Variants in PAK1 observed in about 807,000 individuals in gnomAD.
PAK1 encodes p21 (RAC1) activated kinase 1.
PAK1 carries 29 observed loss-of-function variants against 67.4 expected under a neutral mutation model. That is an observed-to-expected ratio of 0.43 (90% CI 0.32 to 0.59). The LOEUF (loss-of-function observed/expected upper bound fraction) is 0.59. Among genes scored for constraint, PAK1 ranks in the 20% least tolerant of loss-of-function variants. The pLI is 0.07. For missense variants in PAK1, 337 were observed against 670.7 expected, an observed-to-expected ratio of 0.50 and a Z score of 5.50; for synonymous variants, 223 against 237.4, an observed-to-expected ratio of 0.94 and a Z score of 0.56.
chr11:77,340,792 A>C, intron 10 of PAK1, 29 bp from the exon 11 acceptor site: 1 of 1,178,692 alleles, frequency 8.5e-7, no homozygotes. Flanking sequence ...AGGGTGAGAG[A>C]GAACAATCAG....
intron 10 of PAK1, among the ~76,000 whole-genome samples, chr11:77,342,725 T>G (rs1241445572): frequency 1.3e-5 from 2 of 152,126 alleles, no homozygotes; most frequent in African/African-American, 4.8e-5. Flanking sequence ...AGCTTACTAG[T>G]GTTTTAGATG....
intron 1 of PAK1, among the ~76,000 whole-genome samples, chr11:77,464,140 C>T (rs1957487008): frequency 6.6e-6 from 1 of 152,190 alleles, no homozygotes; most frequent in Admixed American, 6.5e-5. Context: ...GTGAATCAGT[C>T]AGTGTGCTCA....
intron 5 of PAK1, among the ~76,000 whole-genome samples, chr11:77,374,010 A>C (rs1948773961): frequency 6.6e-6 from 1 of 152,220 alleles, no homozygotes; most frequent in Non-Finnish European, 1.5e-5. Context: ...CAAAGCTACA[A>C]ATTAAAACTG....
At chr11:77,386,082 C>A (rs1331020845) in intron 2 of PAK1, among the ~76,000 whole-genome samples, 1 of 152,106 alleles carries the variant, frequency 6.6e-6, no homozygotes, top group African/African-American at 2.4e-5. Context: ...AGCTTCCAAC[C>A]TCACCCATCC....
At chr11:77,377,502 A>G (rs1481047304) in intron 4 of PAK1, among the ~76,000 whole-genome samples, 1 of 152,228 alleles carries the variant, frequency 6.6e-6, no homozygotes. Context: ...ATCTGTACAT[A>G]TACACTCAAT....
At chr11:77,437,266 C>T (rs1341805888) in intron 1 of PAK1, among the ~76,000 whole-genome samples, 1 of 152,126 alleles carries the variant, frequency 6.6e-6, no homozygotes, top group African/African-American at 2.4e-5. Context: ...AGGTCAGGTA[C>T]TTAGCACAGT....
intron 4 of PAK1, among the ~76,000 whole-genome samples, chr11:77,378,511 CAAT>C (rs993239094): frequency 6.6e-6 from 1 of 152,128 alleles, no homozygotes; most frequent in African/African-American, 2.4e-5. Context: ...ATAATGATGA[CAAT>C]GATAGCTACA....
At chr11:77,331,900 C>A (rs1269959156) in intron 14 of PAK1, among the ~76,000 whole-genome samples, 2 of 151,846 alleles carry the variant, frequency 1.3e-5, no homozygotes, top group African/African-American at 4.8e-5. Context: ...GAGCTAATCC[C>A]AGCAAAATAT....
chr11:77,506,447 G>A, the PAK1 span, among the ~76,000 whole-genome samples: 1 of 152,158 alleles, frequency 6.6e-6, no homozygotes, highest in African/African-American at 2.4e-5. Flanking sequence ...GACAATTGAG[G>A]ACATAAGGAC....
At chr11:77,389,394 T>C (rs1950851135) in intron 2 of PAK1, among the ~76,000 whole-genome samples, 1 of 152,242 alleles carries the variant, frequency 6.6e-6, no homozygotes, top group African/African-American at 2.4e-5. Context: ...TAAACATTCA[T>C]GTACTGCTGG....
chr11:77,376,486 C>A (rs1052860518), intron 4 of PAK1, among the ~76,000 whole-genome samples: 1 of 152,116 alleles, frequency 6.6e-6, no homozygotes, highest in Non-Finnish European at 1.5e-5. Context: ...CGCCTGTAAT[C>A]CCAGCACTTT....
intron 5 of PAK1, among the ~76,000 whole-genome samples, chr11:77,360,080 C>T (rs774538241): frequency 1.3e-5 from 2 of 152,038 alleles, no homozygotes; most frequent in Non-Finnish European, 2.9e-5. Context: ...GCCCCTCCTG[C>T]CTGACACCTG....
chr11:77,461,578 C>T (rs952888035), intron 1 of PAK1, among the ~76,000 whole-genome samples: 3 of 151,934 alleles, frequency 2.0e-5, no homozygotes, highest in Non-Finnish European at 4.4e-5. Context: ...GAGTAACATG[C>T]GGGAATGTGT....
rs73501465 is a variant in PAK1 at position 77,377,567 on chromosome 11, T to C, written c.439+1674A>G. 8.0e-3 allele frequency among the ~76,000 whole-genome samples: 1,213 copies of C among 152,358 alleles called. 19 individuals carry two copies. Among genetic ancestry groups the C allele is most frequent in the African/African-American group, 0.028 (1,154 of 41,580 alleles). ...ATACACATAATTACCTGAATGTTTA[T>C]ATTTATACATATGTTCGTTCATGAA... On this transcript the variant is annotated intron_variant, in intron 4 of 14. Coordinates refer to ENST00000356341, the MANE Select transcript of PAK1 (RefSeq NM_002576.5).
chr11:77,359,625 G>C (rs967287718), intron 5 of PAK1, among the ~76,000 whole-genome samples: 2 of 152,042 alleles, frequency 1.3e-5, no homozygotes, highest in Non-Finnish European at 2.9e-5. Context: ...CCCCAGACTG[G>C]ATACTATTTC....
chr11:77,451,040 T>C (rs1956829588), intron 1 of PAK1, among the ~76,000 whole-genome samples: 2 of 152,322 alleles, frequency 1.3e-5, no homozygotes, highest in East Asian at 1.9e-4. Context: ...GAAGTTCTGA[T>C]GTATTTATTT....
the PAK1 span, among the ~76,000 whole-genome samples, chr11:77,505,921 G>A: frequency 1.3e-5 from 2 of 152,156 alleles, no homozygotes; most frequent in South Asian, 2.1e-4. Context: ...CAGGTCCGGC[G>A]CCAGGGACTG....
intron 1 of PAK1, among the ~76,000 whole-genome samples, chr11:77,402,658 A>G (rs1256428240): frequency 1.3e-5 from 2 of 152,172 alleles, no homozygotes; most frequent in Admixed American, 6.5e-5. Flanking sequence ...ACCTCCCAGG[A>G]AACAATGAAA....
chr11:77,420,636 G>A (rs760946931), intron 1 of PAK1, among the ~76,000 whole-genome samples: 3 of 152,054 alleles, frequency 2.0e-5, no homozygotes, highest in Non-Finnish European at 4.4e-5. Flanking sequence ...ACAGATCTAC[G>A]GTCCAACCAC....
Sources: gnomAD v4.1 joint callset for allele counts (sites outside exome capture counted in the v4.1 genomes callset) on GRCh38, gnomAD v4.1.1 for gene constraint, MANE v1.5 for transcripts, NCBI Gene and HGNC (gene_info 2026-07-23, HGNC 2026-07-21) for gene names.